MATCAP2: variants seen among roughly 807,000 people sequenced by gnomAD.
The protein encoded by MATCAP2 is putative tyrosine carboxypeptidase MATCAP2.
the MATCAP2 span, among the ~76,000 whole-genome samples, chr7:36,344,177 C>A: frequency 6.6e-6 from 1 of 152,188 alleles, no homozygotes; most frequent in East Asian, 1.9e-4. Flanking sequence ...TAACTAGCCT[C>A]ATTCCCACAG....
At chr7:36,337,127 C>CAAAAAAAAAAAAAAAAAAAAAAAAAA in the MATCAP2 span, among the ~76,000 whole-genome samples, 1 of 29,342 alleles carries the variant, frequency 3.4e-5, no homozygotes, top group Non-Finnish European at 7.8e-5. Context: ...AAAAAAAAAG[C>CAAAAAAAAAAAAAAAAAAAAAAAAAA]AATCAGTCTT....
the MATCAP2 span, among the ~76,000 whole-genome samples, chr7:36,338,974 C>A: frequency 1.3e-5 from 2 of 152,218 alleles, no homozygotes; most frequent in African/African-American, 2.4e-5. Flanking sequence ...TTAGACCAAA[C>A]CAATGCATTC....
chr7:36,358,194 T>C, the MATCAP2 span, among the ~76,000 whole-genome samples: 2 of 149,498 alleles, frequency 1.3e-5, no homozygotes, highest in East Asian at 1.9e-4. Context: ...TGAGACCCTA[T>C]CTTAAAAAAA....
chr7:36,367,823 G>A, the MATCAP2 span, among the ~76,000 whole-genome samples: 1 of 152,200 alleles, frequency 6.6e-6, no homozygotes. Context: ...TCGCACTTTG[G>A]GAGACCAAGG....
the MATCAP2 span, among the ~76,000 whole-genome samples, chr7:36,379,625 G>A: frequency 6.6e-6 from 1 of 151,930 alleles, no homozygotes; most frequent in Non-Finnish European, 1.5e-5. Flanking sequence ...AATATGTACA[G>A]TCGTGTGTTA....
At chr7:36,330,920 C>G in the MATCAP2 span, 1 of 956,780 alleles carries the variant, frequency 1.0e-6, no homozygotes. Context: ...TAATGCTAAG[C>G]TTGAGTGAGG....
the MATCAP2 span, chr7:36,389,838 C>T: frequency 9.0e-7 from 1 of 1,112,982 alleles, no homozygotes; most frequent in East Asian, 2.6e-5. Context: ...CGCTGAAATT[C>T]AAATTTGAAC....
the MATCAP2 span, chr7:36,356,333 G>C: frequency 5.0e-5 from 8 of 158,930 alleles, no homozygotes; most frequent in Admixed American, 1.8e-4. Context: ...TGGCCAAAAT[G>C]GTGAAACCCC....
the MATCAP2 span, chr7:36,331,204 T>C: frequency 1.7e-6 from 1 of 579,200 alleles, no homozygotes; most frequent in Non-Finnish European, 3.1e-6. Flanking sequence ...CCAACATTTA[T>C]TTTTATTTTT....
the MATCAP2 span, chr7:36,324,388 T>C: frequency 1.3e-5 from 2 of 152,230 alleles, no homozygotes; most frequent in South Asian, 4.1e-4. Flanking sequence ...GAATACTGTC[T>C]GGTGTTAAAA....
chr7:36,335,172 C>G, the MATCAP2 span: 1 of 1,613,794 alleles, frequency 6.2e-7, no homozygotes, highest in Non-Finnish European at 8.5e-7. Context: ...GTGAGATGAA[C>G]TACAATCTAA....
chr7:36,354,854 T>A, the MATCAP2 span, among the ~76,000 whole-genome samples: 1 of 152,166 alleles, frequency 6.6e-6, no homozygotes, highest in Non-Finnish European at 1.5e-5. Context: ...AAGCTGGAAT[T>A]GGATCAAAAT....
At chr7:36,347,472 C>G in the MATCAP2 span, among the ~76,000 whole-genome samples, 5 of 152,160 alleles carry the variant, frequency 3.3e-5, no homozygotes, top group Admixed American at 1.3e-4. Flanking sequence ...CACTAGAAGT[C>G]AGAAGACCTG....
the MATCAP2 span, among the ~76,000 whole-genome samples, chr7:36,368,901 A>C: frequency 2.0e-5 from 3 of 152,198 alleles, no homozygotes; most frequent in Non-Finnish European, 4.4e-5. Context: ...CTCAGGACTT[A>C]ATCCAAATGT....
the MATCAP2 span, among the ~76,000 whole-genome samples, chr7:36,328,245 G>GC: frequency 7.8e-6 from 1 of 127,472 alleles, no homozygotes; most frequent in Non-Finnish European, 1.8e-5. Context: ...TTTGTAGGGG[G>GC]GGGGGGTCTT....
the MATCAP2 span, chr7:36,326,570 C>T: frequency 4.8e-6 from 2 of 415,510 alleles, no homozygotes; most frequent in South Asian, 6.6e-5. Flanking sequence ...CCCCCTGCAA[C>T]CTATAGAAAC....
the MATCAP2 span, chr7:36,383,851 C>T: frequency 1.3e-6 from 2 of 1,588,792 alleles, no homozygotes; most frequent in Admixed American, 3.5e-5. Flanking sequence ...GCCCTTCAGC[C>T]AAATAACCTG....
the MATCAP2 span, among the ~76,000 whole-genome samples, chr7:36,330,456 A>G: frequency 6.6e-6 from 1 of 151,734 alleles, no homozygotes; most frequent in Non-Finnish European, 1.5e-5. Flanking sequence ...GGAGACTATC[A>G]CAGATTAAAA....
At chr7:36,388,070 T>C in the MATCAP2 span, among the ~76,000 whole-genome samples, 4 of 152,302 alleles carry the variant, frequency 2.6e-5, no homozygotes, top group East Asian at 3.9e-4. Context: ...TGTCTCTCCA[T>C]TTTTCATCTG....
Sources: gnomAD v4.1 joint callset for allele counts (sites outside exome capture counted in the v4.1 genomes callset) on GRCh38, gnomAD v4.1.1 for gene constraint, MANE v1.5 for transcripts, NCBI Gene and HGNC (gene_info 2026-07-23, HGNC 2026-07-21) for gene names.